The following SPOCK3 variants were observed in gnomAD, a reference collection of about 807,000 sequenced individuals.
SPOCK3 encodes the protein testican-3.
SPOCK3 carries 30 observed loss-of-function variants against 56.6 expected under a neutral mutation model. The observed-to-expected ratio is 0.53, with a 90% CI of 0.40 to 0.72. SPOCK3 has a LOEUF of 0.72. SPOCK3 is among the 30% of genes least tolerant of loss of function. SPOCK3 has a pLI of 0.00. For synonymous variants in SPOCK3, 196 were observed against 183.3 expected (o/e 1.07, Z -0.56); for missense variants, 527 against 530.0 (o/e 0.99, Z 0.06).
At chr4:166,856,078 G>T (rs1002240380) in intron 6 of SPOCK3, among the ~76,000 whole-genome samples, 2 of 152,074 alleles carry the variant, frequency 1.3e-5, no homozygotes, top group Admixed American at 1.3e-4. Flanking sequence ...GACAAATATG[G>T]CATGATCTCA....
chr4:167,205,280 A>ATATATATTTTATATCTATAATATATAT (rs70957819), intron 2 of SPOCK3, among the ~76,000 whole-genome samples: 13 of 63,214 alleles, frequency 2.1e-4, no homozygotes, highest in Admixed American at 6.1e-4. Context: ...AATATATATT[A>ATATATATTTTATATCTATAATATATAT]TATATATTTT....
intron 6 of SPOCK3, among the ~76,000 whole-genome samples, chr4:166,794,986 A>G (rs1034908281): frequency 6.6e-6 from 1 of 152,170 alleles, no homozygotes; most frequent in African/African-American, 2.4e-5. Context: ...ATGTATACAA[A>G]CACATTCATT....
At chr4:166,939,409 G>A (rs1254718508) in intron 4 of SPOCK3, among the ~76,000 whole-genome samples, 2 of 151,920 alleles carry the variant, frequency 1.3e-5, no homozygotes, top group African/African-American at 4.8e-5. Context: ...TAAGAACAAA[G>A]CAATAAAAAC....
intron 4 of SPOCK3, among the ~76,000 whole-genome samples, chr4:166,967,392 T>G (rs1039424738): frequency 9.9e-5 from 15 of 152,188 alleles, no homozygotes; most frequent in African/African-American, 3.6e-4. Context: ...CCATATCTCA[T>G]GTCAAATTAT....
chr4:166,990,545 G>A (rs1185984307), intron 4 of SPOCK3, among the ~76,000 whole-genome samples: 3 of 152,060 alleles, frequency 2.0e-5, no homozygotes, highest in African/African-American at 7.2e-5. Context: ...ACATTAGGCA[G>A]CAACAAGAAA....
At chr4:166,820,901 G>A (rs529636261) in intron 6 of SPOCK3, among the ~76,000 whole-genome samples, 7 of 152,016 alleles carry the variant, frequency 4.6e-5, no homozygotes, top group East Asian at 1.9e-4. Context: ...AGATGATGAC[G>A]TCTTAGCTAC....
intron 6 of SPOCK3, among the ~76,000 whole-genome samples, chr4:166,845,951 C>G (rs942291812): frequency 6.6e-6 from 1 of 152,122 alleles, no homozygotes; most frequent in African/African-American, 2.4e-5. Context: ...TGCTGCTAGG[C>G]TACGAACTTG....
intron 9 of SPOCK3, among the ~76,000 whole-genome samples, chr4:166,740,502 A>T (rs953456814): frequency 2.5e-5 from 2 of 79,906 alleles, no homozygotes; most frequent in Non-Finnish European, 5.0e-5. Context: ...ACTTATTATT[A>T]TTATTATTAT....
At chr4:166,787,999 T>C (rs924641752) in intron 7 of SPOCK3, among the ~76,000 whole-genome samples, 13 of 152,184 alleles carry the variant, frequency 8.5e-5, no homozygotes, top group South Asian at 6.2e-4. Flanking sequence ...CTGGCCAACA[T>C]GGTGAAACCC....
At chr4:166,828,236 G>A (rs1287169703) in intron 6 of SPOCK3, among the ~76,000 whole-genome samples, 1 of 151,768 alleles carries the variant, frequency 6.6e-6, no homozygotes, top group Non-Finnish European at 1.5e-5. Context: ...GAAAAATATA[G>A]AAAACAACTA....
In SPOCK3 at chr4:167,000,452, C is replaced by G. The variant is rs751832396; in HGVS notation, c.247G>C (p.Ala83Pro). The change falls in exon 4 of 11, where the codon GCT becomes CCT. Residue 83 changes from alanine to proline, a missense_variant. Coordinates refer to ENST00000357545, the MANE Select transcript of SPOCK3 (RefSeq NM_001040159.2). ...GKPFDQALDPAKDPCLKMKCS... is the reference protein window; with the variant it reads ...GKPFDQALDPPKDPCLKMKCS... ...TTCATCTTTAAGCATGGATCCTTAG[C>G]TGGATCTAAAGCTAAAAAAATTGCA... 6.3e-7 allele frequency: 1 copy of G among 1,578,208 alleles called. No homozygotes were observed. The highest frequency in any genetic ancestry group is 1.4e-5 in the African/African-American group (1 of 73,586).
intron 6 of SPOCK3, among the ~76,000 whole-genome samples, chr4:166,861,105 A>C (rs1731207769): frequency 6.6e-6 from 1 of 151,994 alleles, no homozygotes; most frequent in African/African-American, 2.4e-5. Context: ...ACTCTGATTC[A>C]ATCTCCACTA....
At chr4:166,879,833 T>A (rs1027529611) in intron 6 of SPOCK3, among the ~76,000 whole-genome samples, 1 of 152,110 alleles carries the variant, frequency 6.6e-6, no homozygotes, top group African/African-American at 2.4e-5. Context: ...TGGGGGCAGT[T>A]TTCCCCTGGG....
At chr4:166,958,264 G>A (rs1743736501) in intron 4 of SPOCK3, among the ~76,000 whole-genome samples, 1 of 152,252 alleles carries the variant, frequency 6.6e-6, no homozygotes, top group African/African-American at 2.4e-5. Context: ...CGTGTGATGA[G>A]CCTGCTCCCC....
At chr4:166,747,108 A>C (rs148033293) in intron 8 of SPOCK3, among the ~76,000 whole-genome samples, 32,337 of 152,098 alleles carry the variant, frequency 0.21, 4,167 homozygotes, top group South Asian at 0.32. Context: ...AATAGAAAAA[A>C]AGTGAATCCT....
At chr4:167,177,273 C>G (rs1314467036) in intron 2 of SPOCK3, among the ~76,000 whole-genome samples, 3 of 151,826 alleles carry the variant, frequency 2.0e-5, no homozygotes, top group Non-Finnish European at 4.4e-5. Context: ...GAAGAAGGGA[C>G]AGAGGGACAA....
chr4:166,907,231 C>T (rs1736726587), intron 5 of SPOCK3, among the ~76,000 whole-genome samples: 1 of 151,982 alleles, frequency 6.6e-6, no homozygotes, highest in South Asian at 2.1e-4. Flanking sequence ...TACAGATAGA[C>T]CACTGGCAAC....
intron 7 of SPOCK3, among the ~76,000 whole-genome samples, chr4:166,762,951 G>A (rs1055343257): frequency 1.3e-5 from 2 of 152,168 alleles, no homozygotes; most frequent in African/African-American, 4.8e-5. Context: ...TGAGGTCTCA[G>A]AAGAATACTC....
chr4:167,061,679 C>G (rs1755621546), intron 3 of SPOCK3, among the ~76,000 whole-genome samples: 1 of 151,938 alleles, frequency 6.6e-6, no homozygotes, highest in African/African-American at 2.4e-5. Flanking sequence ...TTACTAAACA[C>G]TCTTACAAAA....
Sources: allele counts gnomAD v4.1 joint callset (sites outside exome capture counted in the v4.1 genomes callset), GRCh38; gene constraint gnomAD v4.1.1; transcripts MANE v1.5; gene names NCBI Gene and HGNC (gene_info 2026-07-23, HGNC 2026-07-21).